The following MACROD2 variants were observed in gnomAD, a reference collection of about 807,000 sequenced individuals.
MACROD2 encodes the protein mono-ADP ribosylhydrolase 2.
Under a neutral mutation model 70.4 loss-of-function variants are expected in MACROD2, and 36 were observed. That is an observed-to-expected ratio of 0.51 (90% CI 0.39 to 0.68). MACROD2 has a LOEUF of 0.68. MACROD2 is among the 30% of genes least tolerant of loss of function. The pLI is 0.00. For missense variants in MACROD2, 496 were observed against 538.4 expected, an observed-to-expected ratio of 0.92 and a Z score of 0.78; for synonymous variants, 172 against 178.8, an observed-to-expected ratio of 0.96 and a Z score of 0.30.
At chr20:15,594,857 A>G (rs1234343203) in intron 8 of MACROD2, among the ~76,000 whole-genome samples, 1 of 152,198 alleles carries the variant, frequency 6.6e-6, no homozygotes, top group Non-Finnish European at 1.5e-5. Flanking sequence ...TCACCTCTAC[A>G]GATGATAACA....
intron 5 of MACROD2, among the ~76,000 whole-genome samples, chr20:14,973,558 T>G (rs1600894498): frequency 6.6e-6 from 1 of 152,092 alleles, no homozygotes; most frequent in South Asian, 2.1e-4. Flanking sequence ...AGAGGAAGGG[T>G]TTGCTTTCAT....
intron 4 of MACROD2, among the ~76,000 whole-genome samples, chr20:14,515,520 A>G (rs1310241979): frequency 1.3e-5 from 2 of 150,316 alleles, no homozygotes; most frequent in African/African-American, 4.9e-5. Context: ...ATACACCCTT[A>G]AAAAAGAAGA....
intron 8 of MACROD2, among the ~76,000 whole-genome samples, chr20:15,573,880 C>T (rs1358432722): frequency 6.6e-6 from 1 of 152,236 alleles, no homozygotes; most frequent in African/African-American, 2.4e-5. Flanking sequence ...TTCACTCTCC[C>T]ACCTGATTCT....
intron 5 of MACROD2, among the ~76,000 whole-genome samples, chr20:15,227,849 T>TTTTTTTTTC (rs2076923856): frequency 1.4e-5 from 2 of 142,876 alleles, no homozygotes; most frequent in African/African-American, 2.6e-5. Flanking sequence ...TTTTTTTTTT[T>TTTTTTTTTC]CAAATTTAAT....
At chr20:15,847,659 G>A (rs1027765820) in intron 8 of MACROD2, among the ~76,000 whole-genome samples, 1 of 152,104 alleles carries the variant, frequency 6.6e-6, no homozygotes, top group South Asian at 2.1e-4. Context: ...TAGTATAATG[G>A]GTGGGACATC....
At chr20:14,515,943 C>T (rs558820636) in intron 4 of MACROD2, among the ~76,000 whole-genome samples, 23 of 147,930 alleles carry the variant, frequency 1.6e-4, no homozygotes, top group Admixed American at 8.8e-4. Flanking sequence ...CAAAACATTA[C>T]ATTGTACATT....
chr20:15,980,275 T>G (rs1354503215), intron 13 of MACROD2, among the ~76,000 whole-genome samples: 1 of 152,236 alleles, frequency 6.6e-6, no homozygotes, highest in African/African-American at 2.4e-5. Context: ...TTTTACTTCC[T>G]TGTTTTTTTC....
At chr20:15,051,077 G>A (rs2075435997) in intron 5 of MACROD2, among the ~76,000 whole-genome samples, 3 of 151,886 alleles carry the variant, frequency 2.0e-5, no homozygotes, top group Admixed American at 2.0e-4. Flanking sequence ...AATAATAACT[G>A]AAATCCCTTT....
At chr20:14,394,139 T>G (rs2083556471) in intron 3 of MACROD2, among the ~76,000 whole-genome samples, 1 of 152,134 alleles carries the variant, frequency 6.6e-6, no homozygotes, top group South Asian at 2.1e-4. Flanking sequence ...ACCACAGTAG[T>G]TTTAGTATAC....
Position 14,326,705 on chromosome 20 carries a change from A to G in MACROD2, c.272-166774A>G, listed in dbSNP as rs1448405096. 1 of 1,613,774 alleles carries G rather than the reference A, an allele frequency of 6.2e-7. No homozygotes were observed. The highest frequency in any genetic ancestry group is 1.7e-5 in the Admixed American group (1 of 59,950). On this transcript the variant is annotated intron_variant, in intron 3 of 17. Transcript: ENST00000684519. The surrounding 1 kb of genome is among the most constrained non-coding windows in gnomAD (Gnocchi z 5.5). ...AGTCGATAGAGCTGCCTTAGATAAG[A>G]AAAAGCATTTGGGGGCACCCGATTG...
chr20:15,583,929 A>G (rs1270815231), intron 8 of MACROD2, among the ~76,000 whole-genome samples: 3 of 152,214 alleles, frequency 2.0e-5, no homozygotes, highest in African/African-American at 7.2e-5. Context: ...GTAAGCCACA[A>G]CACCCGGCCT....
intron 8 of MACROD2, among the ~76,000 whole-genome samples, chr20:15,728,707 T>C (rs772746168): frequency 8.5e-5 from 13 of 152,178 alleles, no homozygotes; most frequent in Non-Finnish European, 1.8e-4. Context: ...TAGTCATCTC[T>C]GAGAGTTTTT....
chr20:14,030,703 T>C (rs2053235758), intron 2 of MACROD2, among the ~76,000 whole-genome samples: 1 of 152,116 alleles, frequency 6.6e-6, no homozygotes, highest in African/African-American at 2.4e-5. Flanking sequence ...AGCCAGAATT[T>C]TATTTTTAAT....
intron 5 of MACROD2, among the ~76,000 whole-genome samples, chr20:15,162,030 C>T (rs2076351894): frequency 7.8e-6 from 1 of 127,988 alleles, no homozygotes; most frequent in Non-Finnish European, 1.7e-5. Context: ...TAATTAAAAA[C>T]CATCTTAGAA....
At chr20:14,268,134 T>C (rs1163820711) in intron 3 of MACROD2, among the ~76,000 whole-genome samples, 4 of 152,142 alleles carry the variant, frequency 2.6e-5, no homozygotes, top group African/African-American at 9.6e-5. Context: ...TTGTTTCACC[T>C]ATTCCCTTTT....
At chr20:15,450,435 T>G (rs927476435) in intron 7 of MACROD2, among the ~76,000 whole-genome samples, 2 of 152,072 alleles carry the variant, frequency 1.3e-5, no homozygotes, top group African/African-American at 4.8e-5. Context: ...TATAAGGTAA[T>G]TTTTTATGAT....
intron 9 of MACROD2, among the ~76,000 whole-genome samples, chr20:15,874,066 C>CT (rs2064628062): frequency 1.0e-5 from 1 of 95,572 alleles, no homozygotes; most frequent in Non-Finnish European, 2.1e-5. Flanking sequence ...CCTCCCCCAG[C>CT]CCCCCCACCC....
At chr20:15,702,579 A>G (rs6043462) in intron 8 of MACROD2, among the ~76,000 whole-genome samples, 42,731 of 151,944 alleles carry the variant, frequency 0.28, 7,865 homozygotes, top group African/African-American at 0.53. Flanking sequence ...ACCTTTGTTG[A>G]ATGCATAATT....
intron 3 of MACROD2, among the ~76,000 whole-genome samples, chr20:14,382,551 C>T (rs996625440): frequency 4.0e-5 from 6 of 151,812 alleles, no homozygotes; most frequent in Non-Finnish European, 7.4e-5. Context: ...GCCTGTAATC[C>T]CAGCGACTCC....
Sources: gnomAD v4.1 joint callset for allele counts (sites outside exome capture counted in the v4.1 genomes callset) on GRCh38, gnomAD v4.1.1 for gene constraint, Gnocchi (gnomAD v3.1) non-coding constraint, MANE v1.5 for transcripts, NCBI Gene and HGNC (gene_info 2026-07-23, HGNC 2026-07-21) for gene names.